The following TNRC6C variants were observed in gnomAD, a reference collection of about 807,000 sequenced individuals.
TNRC6C encodes trinucleotide repeat containing adaptor 6C.
A neutral mutation model predicts 153.7 loss-of-function variants in TNRC6C; 20 were observed. That is an observed-to-expected ratio of 0.13 (90% CI 0.09 to 0.19). TNRC6C has a LOEUF of 0.19. Among genes scored for constraint, TNRC6C ranks in the 10% least tolerant of loss-of-function variants. TNRC6C has a pLI of 1.00. For synonymous variants in TNRC6C, 811 were observed against 841.4 expected, an observed-to-expected ratio of 0.96 and a Z score of 0.63; for missense variants, 1,987 against 2,172.0, an observed-to-expected ratio of 0.91 and a Z score of 1.69.
At chr17:78,057,684 T>C (rs140006476) in intron 3 of TNRC6C, among the ~76,000 whole-genome samples, 3 of 152,358 alleles carry the variant, frequency 2.0e-5, no homozygotes, top group African/African-American at 7.2e-5. Context: ...TGTTTTTAGG[T>C]TTTATTCAGC....
At chr17:78,052,024 AG>A (rs1234040238) in intron 3 of TNRC6C, among the ~76,000 whole-genome samples, 1 of 152,236 alleles carries the variant, frequency 6.6e-6, no homozygotes, top group Non-Finnish European at 1.5e-5. Context: ...GCTGTTAGAA[AG>A]GAACAAGTGG....
intron 1 of TNRC6C, among the ~76,000 whole-genome samples, chr17:78,006,492 T>TTCTTCTTCTTC (rs2071500644): frequency 9.1e-6 from 1 of 110,416 alleles, no homozygotes; most frequent in East Asian, 2.7e-4. Context: ...CTTCTTCTTC[T>TTCTTCTTCTTC]TTCTTCTTCT....
rs867731748 is a variant in TNRC6C at position 78,079,641 on chromosome 17, G to A, written c.3357+100G>A. On this transcript the variant is annotated intron_variant, in intron 10 of 19. Transcript: ENST00000301624. This position sits in a 1 kb window ranked among gnomAD's most constrained non-coding sequence, Gnocchi z 4.3. ...GAAGTCACTATTTTAAAGTGAGAGC[G>A]GAGTTAATCCATGTTTAAGAGAAGG... 3.5e-5 allele frequency: 51 copies of A among 1,449,276 alleles called. No homozygotes were observed. Among genetic ancestry groups the A allele is most frequent in the East Asian group, 6.9e-5 (3 of 43,330 alleles). 89.8% of individuals were successfully genotyped at this position (1,449,276 alleles called of 1,614,324 possible). A position where few individuals can be genotyped will look rare whatever the true frequency, so the allele number is the denominator to read the frequency against.
At chr17:78,069,717 TTCTA>T (rs1349851880) in intron 5 of TNRC6C, among the ~76,000 whole-genome samples, 4 of 152,208 alleles carry the variant, frequency 2.6e-5, no homozygotes, top group Non-Finnish European at 4.4e-5. Flanking sequence ...TAAAAGGAAA[TTCTA>T]TCTATGTATT....
chr17:78,063,722 G>A (rs1012255053), intron 3 of TNRC6C, among the ~76,000 whole-genome samples: 1 of 152,156 alleles, frequency 6.6e-6, no homozygotes, highest in African/African-American at 2.4e-5. Flanking sequence ...GCATTTTCCA[G>A]TTATGACTTT....
chr17:78,007,530 G>A (rs2071542821), intron 1 of TNRC6C, among the ~76,000 whole-genome samples: 1 of 152,180 alleles, frequency 6.6e-6, no homozygotes, highest in African/African-American at 2.4e-5. Flanking sequence ...ACTAGTATTA[G>A]TGTTCACACA....
chr17:78,065,384 A>G (rs1327316138), intron 4 of TNRC6C, among the ~76,000 whole-genome samples: 1 of 152,132 alleles, frequency 6.6e-6, no homozygotes, highest in Non-Finnish European at 1.5e-5. Flanking sequence ...AGATTATAAA[A>G]TATTTGCCAT....
exon 3 of TNRC6C, chr17:78,050,192 C>G: frequency 6.5e-7 from 1 of 1,547,026 alleles, no homozygotes; most frequent in Non-Finnish European, 8.7e-7. Context: ...ACCGTACAGC[C>G]TGGTGGTGAA....
intron 1 of TNRC6C, among the ~76,000 whole-genome samples, chr17:78,010,242 G>A (rs1377870843): frequency 6.6e-6 from 1 of 152,188 alleles, no homozygotes; most frequent in African/African-American, 2.4e-5. Context: ...TTGCAGTGAG[G>A]TATTAAACTT....
upstream of TNRC6C, among the ~76,000 whole-genome samples, chr17:78,002,922 T>G (rs138168981): frequency 9.5e-4 from 144 of 152,224 alleles, no homozygotes; most frequent in African/African-American, 3.4e-3. Flanking sequence ...AAGAAGTGAT[T>G]AAAATAGCTT....
intron 17 of TNRC6C, 116 bp from the exon 21 acceptor site, chr17:78,102,357 TA>T: frequency 1.1e-6 from 1 of 925,094 alleles, no homozygotes. Context: ...AAGGCTTTCC[TA>T]AAGCACGCAG....
rs1375440030 is a variant in TNRC6C at position 78,048,934 on chromosome 17, G to A, written c.-129G>A. 2.3e-6 allele frequency: 3 copies of A among 1,288,460 alleles called. No homozygotes were observed. In the East Asian group the frequency reaches 8.8e-5, roughly 38 times the overall value. The allele number at this position is 1,288,460 out of a possible 1,614,324, so 79.8% of individuals were successfully genotyped here. A position where few individuals can be genotyped will look rare whatever the true frequency, so the allele number is the denominator to read the frequency against. On this transcript the variant is annotated 5_prime_UTR_variant, in exon 3 of 20. Transcript: ENST00000301624. ...CAGAAGCGAAGCCAACTGCAGCTGG[G>A]ATAAAGTGATAATAGATAGGACTGA...
intron 6 of TNRC6C, 29 bp from the exon 9 acceptor site, chr17:78,073,008 A>G: frequency 2.0e-6 from 3 of 1,514,960 alleles, no homozygotes; most frequent in Non-Finnish European, 2.7e-6. Context: ...ATTAATGTGC[A>G]CTAATGAAAA....
At chr17:78,004,652 C>T (rs1407803568), upstream of TNRC6C, among the ~76,000 whole-genome samples, 6 of 151,954 alleles carry the variant, frequency 3.9e-5, no homozygotes, top group Admixed American at 2.6e-4. Context: ...TGTTCTTTTA[C>T]GAATCCTATT....
chr17:78,009,145 G>A (rs1001371448), intron 1 of TNRC6C, among the ~76,000 whole-genome samples: 2 of 152,198 alleles, frequency 1.3e-5, no homozygotes, highest in Non-Finnish European at 2.9e-5. Flanking sequence ...TAATCCTGTT[G>A]CCATTAACTT....
At chr17:78,026,910 A>G (rs1218854412) in intron 1 of TNRC6C, among the ~76,000 whole-genome samples, 3 of 152,190 alleles carry the variant, frequency 2.0e-5, no homozygotes. Context: ...GGAGCTATTA[A>G]TAGAAATGAC....
chr17:78,014,001 C>G (rs980202340), intron 1 of TNRC6C, among the ~76,000 whole-genome samples: 1 of 152,206 alleles, frequency 6.6e-6, no homozygotes, highest in Non-Finnish European at 1.5e-5. Context: ...CTGCACCAGC[C>G]TTGTCTTACT....
chr17:78,008,887 A>G (rs988371767), intron 1 of TNRC6C: 1 of 152,124 alleles, frequency 6.6e-6, no homozygotes, highest in Non-Finnish European at 1.5e-5. Flanking sequence ...ATATACATAA[A>G]TATATATTTA....
upstream of TNRC6C, among the ~76,000 whole-genome samples, chr17:77,999,395 C>T (rs1045826595): frequency 6.6e-6 from 1 of 152,252 alleles, no homozygotes; most frequent in Non-Finnish European, 1.5e-5. Flanking sequence ...GCCTTCCCTA[C>T]ATTTTAACTC....
Sources: allele counts gnomAD v4.1 joint callset (sites outside exome capture counted in the v4.1 genomes callset), GRCh38; gene constraint gnomAD v4.1.1; non-coding constraint Gnocchi (gnomAD v3.1); transcripts MANE v1.5; gene names NCBI Gene and HGNC (gene_info 2026-07-23, HGNC 2026-07-21).